The following ATP5MC3 variants were observed in gnomAD, a reference collection of about 807,000 sequenced individuals.
ATP5MC3 encodes ATP synthase F(0) complex subunit C3, mitochondrial.
A neutral mutation model predicts 15.6 loss-of-function variants in ATP5MC3; 6 were observed. The observed-to-expected ratio is 0.38, with a 90% CI of 0.21 to 0.76. The LOEUF is 0.76. ATP5MC3 is among the 30% of genes least tolerant of loss of function. The pLI, the probability that ATP5MC3 is intolerant of heterozygous loss-of-function variation, is 0.44. For synonymous variants in ATP5MC3, 66 were observed against 63.3 expected (o/e 1.04, Z -0.20); for missense variants, 132 against 171.2 (o/e 0.77, Z 1.28).
rs1700684242 is a variant in ATP5MC3 at position 175,176,490 on chromosome 2, CTT to C, written c.*1796_*1797del. The stretch of plus-strand genomic sequence containing the variant: ...CACTAATTCATCAAATTTTAATAAT[CTT>C]TTAATTTTTGAGCCAGATTTAGCAG... On this transcript the variant is annotated 3_prime_UTR_variant, in exon 5 of 5. Coordinates refer to ENST00000284727, the MANE Select transcript of ATP5MC3 (RefSeq NM_001689.5). 6.6e-6 allele frequency: 1 copy of C among 152,082 alleles called. No homozygotes were observed. The highest frequency in any genetic ancestry group is 1.5e-5 in the Non-Finnish European group (1 of 68,004). The allele number at this position is 152,082 out of a possible 1,614,324, so 9.4% of individuals were successfully genotyped here.
chr2:175,180,187 GA>G lies in ATP5MC3; in HGVS notation c.40-10del, dbSNP rs746796011. On this transcript the variant is annotated splice_polypyrimidine_tract_variant and intron_variant, in intron 2 of 4. Coordinates refer to ENST00000284727, the MANE Select transcript of ATP5MC3 (RefSeq NM_001689.5). ...CTGGATCCAGCTCGGATCTATTAAT[GA>G]AAAAAAAATAAAGATTTCAATATTA... The G allele has an allele frequency of 1.3e-4, 201 of 1,532,904 alleles. No individual in the cohort carries two copies. The highest frequency in any genetic ancestry group is 4.4e-4 in the Admixed American group (19 of 43,674). 95.0% of individuals were successfully genotyped at this position (1,532,904 alleles called of 1,614,324 possible). A position where few individuals can be genotyped will look rare whatever the true frequency, so the allele number is the denominator to read the frequency against.
chr2:175,178,080 G>T lies in ATP5MC3; in HGVS notation c.*208C>A, dbSNP rs563286372. ...GCTTCCTCTGAATGGGACAGCATCT[G>T]CCTGAATGCACGTTCTTCTTTGTGA... On this transcript the variant is annotated 3_prime_UTR_variant, in exon 5 of 5. Transcript: ENST00000284727. 4.0e-5 allele frequency: 38 copies of T among 940,678 alleles called. No homozygotes were observed. Among genetic ancestry groups the T allele is most frequent in the Non-Finnish European group, 5.2e-5 (36 of 692,906 alleles). 58.3% of individuals were successfully genotyped at this position (940,678 alleles called of 1,614,324 possible). A position where few individuals can be genotyped will look rare whatever the true frequency, so the allele number is the denominator to read the frequency against.
chr2:175,181,538 TCCCG>T (rs1189981194), intron 1 of ATP5MC3, 72 bp from the exon 2 acceptor site: 370 of 947,680 alleles, frequency 3.9e-4, no homozygotes, highest in Non-Finnish European at 5.3e-4. Flanking sequence ...CCCCGCAGGC[TCCCG>T]TGCACGCCGT....
chr2:175,181,526 G>A, intron 1 of ATP5MC3, 60 bp from the exon 2 acceptor site: 1 of 1,116,810 alleles, frequency 9.0e-7, no homozygotes. Flanking sequence ...TTCCCACCCA[G>A]GCCCCGCAGG....
In ATP5MC3 at chr2:175,176,334, T is replaced by A. The variant is rs980867900; in HGVS notation, c.*1954A>T. 7 of 133,978 alleles carry A rather than the reference T, an allele frequency of 5.2e-5. No individual in the cohort carries two copies. Among genetic ancestry groups the A allele is most frequent in the African/African-American group, 2.0e-4 (7 of 35,216 alleles). The allele number at this position is 133,978 out of a possible 1,614,324, so 8.3% of individuals were successfully genotyped here. A position where few individuals can be genotyped will look rare whatever the true frequency, so the allele number is the denominator to read the frequency against. On this transcript the variant is annotated 3_prime_UTR_variant, in exon 5 of 5. Coordinates refer to ENST00000284727, the MANE Select transcript of ATP5MC3 (RefSeq NM_001689.5). ...AATCTAAGCATTTTCCTATCACTTT[T>A]AAAATTTTATACTATGTACTTTGTA...
Position 175,181,456 on chromosome 2 carries a change from C to G in ATP5MC3, c.-63G>C. The G allele has an allele frequency of 6.3e-7, 1 of 1,598,490 alleles. No homozygotes were observed. Among genetic ancestry groups the G allele is most frequent in the Non-Finnish European group, 8.6e-7 (1 of 1,169,028 alleles). On this transcript the variant is annotated 5_prime_UTR_variant, in exon 2 of 5. Coordinates refer to ENST00000284727, the MANE Select transcript of ATP5MC3 (RefSeq NM_001689.5). ...GTGACAGGCGACGTGGGCTCCTCTCCCGCTTCCTCTCTGCGGAGGAAAAGA... is the reference window on the plus strand; with the variant it reads ...GTGACAGGCGACGTGGGCTCCTCTCGCGCTTCCTCTCTGCGGAGGAAAAGA...
chr2:175,181,542 G>A (rs1700773899), intron 1 of ATP5MC3, 76 bp from the exon 2 acceptor site: 13 of 921,582 alleles, frequency 1.4e-5, no homozygotes, highest in Non-Finnish European at 2.1e-5. Flanking sequence ...GCAGGCTCCC[G>A]TGCACGCCGT....
Position 175,179,157 on chromosome 2 carries a change from C to A in ATP5MC3, c.214G>T (p.Ala72Ser), listed in dbSNP as rs748782039. 2 of 1,614,160 alleles carry A rather than the reference C, an allele frequency of 1.2e-6. No homozygotes were observed. Residue 72 changes from alanine to serine, a missense_variant, in exon 4 of 5, where the codon GCT (alanine) becomes TCT (serine). This residue lies in a region of ATP5MC3 where 90 missense variants were observed against 86.2 expected (regional missense o/e 1.04). Coordinates refer to ENST00000284727, the MANE Select transcript of ATP5MC3 (RefSeq NM_001689.5). ...GCACCTGCACCAATAAATTTGGCAG[C>A]AGTATCAATGTCTCTGCTGATTGCA... is the stretch of plus-strand genomic sequence containing the variant. ...TSAISRDIDT[A>S]AKFIGAGAAT...
intron 2 of ATP5MC3, 130 bp downstream of exon 2, chr2:175,181,225 A>T (rs1213240716): frequency 8.8e-7 from 1 of 1,130,184 alleles, no homozygotes; most frequent in Non-Finnish European, 1.2e-6. Context: ...CAATGGGTTA[A>T]TAGGTAAGGA....
intron 4 of ATP5MC3, 34 bp downstream of exon 4, chr2:175,179,023 T>A (rs1204295769): frequency 3.1e-6 from 5 of 1,597,946 alleles, no homozygotes; most frequent in Non-Finnish European, 4.3e-6. Context: ...ACTGCAAGCA[T>A]GCTCTTAACT....
At chr2:175,179,789 G>GC (rs1463853263) in intron 3 of ATP5MC3, 1 of 284,698 alleles carries the variant, frequency 3.5e-6, no homozygotes, top group African/African-American at 2.3e-5. Context: ...ACAGGTGTGA[G>GC]CCACCGCATC....
chr2:175,179,972 T>C, intron 3 of ATP5MC3, 126 bp downstream of exon 3: 1 of 784,426 alleles, frequency 1.3e-6, no homozygotes, highest in Non-Finnish European at 1.9e-6. Context: ...CATCTAGTTT[T>C]TTGGATAAAA....
Position 175,178,210 on chromosome 2 carries a change from A to G in ATP5MC3, c.*78T>C, listed in dbSNP as rs537727494. On this transcript the variant is annotated 3_prime_UTR_variant, in exon 5 of 5. Transcript: ENST00000284727. ...TACATTCCCATGACACCAATACTAC[A>G]GTTTTCGGAGTCACAGTAAGATACA... 2.0e-5 allele frequency: 31 copies of G among 1,534,600 alleles called. No individual in the cohort carries two copies. Among genetic ancestry groups the G allele is most frequent in the Non-Finnish European group, 2.6e-5 (30 of 1,147,258 alleles).
At chr2:175,180,320 G>T in intron 2 of ATP5MC3, 142 bp from the exon 3 acceptor site, 1 of 549,592 alleles carries the variant, frequency 1.8e-6, no homozygotes, top group Non-Finnish European at 2.9e-6. Context: ...TTTGCTGTTT[G>T]GTCATTTTTA....
In ATP5MC3 at chr2:175,179,042, G is replaced by A; in HGVS notation, c.314+15C>T. On this transcript the variant is annotated intron_variant, in intron 4 of 4. Coordinates refer to ENST00000284727, the MANE Select transcript of ATP5MC3 (RefSeq NM_001689.5). ...CAAGCATGCTCTTAACTTATTTAGG[G>A]ATAGAAATGATTACCTGGCATAACC... 2 of 1,609,604 alleles carry A rather than the reference G, an allele frequency of 1.2e-6. No homozygotes were observed. Among genetic ancestry groups the A allele is most frequent in the Non-Finnish European group, 1.7e-6 (2 of 1,177,998 alleles).
At chr2:175,179,965 C>T in intron 3 of ATP5MC3, 133 bp downstream of exon 3, 1 of 717,494 alleles carries the variant, frequency 1.4e-6, no homozygotes, top group Non-Finnish European at 2.2e-6. Flanking sequence ...TTTGGCTCAT[C>T]TAGTTTTTTG....
In ATP5MC3 at chr2:175,178,562, C is replaced by G. The variant is rs80046353; in HGVS notation, c.315-160G>C. On this transcript the variant is annotated intron_variant, in intron 4 of 4. Coordinates refer to ENST00000284727, the MANE Select transcript of ATP5MC3 (RefSeq NM_001689.5). ...TCTCTTACACTATTCTCCTTCAATC[C>G]TGATAATATGGTGTAAAGGTAGGGA... The G allele has an allele frequency of 1.2e-3, 1,660 of 1,370,900 alleles. 37 individuals carry two copies. In the East Asian group the frequency reaches 0.042, roughly 34 times the overall value. The allele number at this position is 1,370,900 out of a possible 1,614,324, so 84.9% of individuals were successfully genotyped here. A position where few individuals can be genotyped will look rare whatever the true frequency, so the allele number is the denominator to read the frequency against.
At position 175,177,257 on chromosome 2, in the gene ATP5MC3, G is replaced by C. The variant is rs931856688; in HGVS notation, c.*1031C>G. ...TGGAGGTGGTCTTCCGACACTTGAGGAACTTTGGTGACTGCTCTTTCTCAA... is the reference window on the plus strand; with the variant it reads ...TGGAGGTGGTCTTCCGACACTTGAGCAACTTTGGTGACTGCTCTTTCTCAA... On this transcript the variant is annotated 3_prime_UTR_variant, in exon 5 of 5. Transcript: ENST00000284727. 3.9e-5 allele frequency: 6 copies of C among 152,110 alleles called. No individual in the cohort carries two copies. Among genetic ancestry groups the C allele is most frequent in the Non-Finnish European group, 8.8e-5 (6 of 68,024 alleles). 9.4% of individuals were successfully genotyped at this position (152,110 alleles called of 1,614,324 possible). A position where few individuals can be genotyped will look rare whatever the true frequency, so the allele number is the denominator to read the frequency against.
In ATP5MC3 at chr2:175,178,402, T is replaced by C. The variant is rs368481568; in HGVS notation, c.315A>G (p.Arg105=). The part of the protein sequence containing the change: ...VFGSLIIGYA[R]NPSLKQQLFS... The stretch of plus-strand genomic sequence containing the variant: ...ACAGCTGCTGCTTCAGCGAAGGGTT[T>C]CTAAAAGAGACCACATATGACTGTT... The change falls in exon 5 of 5, where the codon AGA becomes AGG. Residue 105 remains arginine, a splice_region_variant and synonymous_variant. Coordinates refer to ENST00000284727, the MANE Select transcript of ATP5MC3 (RefSeq NM_001689.5). 5 of 1,599,552 alleles carry C rather than the reference T, an allele frequency of 3.1e-6. No individual in the cohort carries two copies. The African/African-American group carries it at 6.8e-5, about 22-fold the overall frequency.
Sources: gnomAD v4.1 joint callset for allele counts on GRCh38, gnomAD v4.1.1 for gene constraint, gnomAD v4.1.1 regional missense constraint, MANE v1.5 for transcripts, NCBI Gene and HGNC (gene_info 2026-07-23, HGNC 2026-07-21) for gene names.